Variants in SLC4A5 observed in about 807,000 individuals in gnomAD.
The protein encoded by SLC4A5 is solute carrier family 4 member 5, also known as electrogenic sodium bicarbonate cotransporter 4.
In SLC4A5, 96 loss-of-function variants were observed where a neutral mutation model predicts 120.4. The ratio of observed to expected loss-of-function variants is 0.80; its 90% CI spans 0.68 to 0.94. SLC4A5 has a LOEUF of 0.94. Among genes scored for constraint, SLC4A5 ranks in the 40% least tolerant of loss-of-function variants. SLC4A5 has a pLI of 0.00. For synonymous variants in SLC4A5, 550 were observed against 571.1 expected (o/e 0.96, Z 0.53); for missense variants, 1,259 against 1,459.5 (o/e 0.86, Z 2.24).
chr2:74,252,100 G>A, intron 16 of SLC4A5, 79 bp downstream of exon 16: 1 of 1,485,514 alleles, frequency 6.7e-7, no homozygotes, highest in Non-Finnish European at 9.2e-7. Flanking sequence ...GACCATGGTT[G>A]GGAAAAGTCC....
chr2:74,251,270 G>A (rs1168804921), intron 16 of SLC4A5, among the ~76,000 whole-genome samples: 1 of 151,914 alleles, frequency 6.6e-6, no homozygotes, highest in East Asian at 1.9e-4. Flanking sequence ...GGGGTAGGGG[G>A]ACTAAGGAGG....
intron 18 of SLC4A5, 75 bp from the exon 19 acceptor site, chr2:74,247,382 T>A: frequency 6.7e-7 from 1 of 1,486,594 alleles, no homozygotes; most frequent in Non-Finnish European, 9.0e-7. Flanking sequence ...GACTCATCCT[T>A]AAGTGGCTTA....
intron 12 of SLC4A5, among the ~76,000 whole-genome samples, chr2:74,256,157 G>A (rs931680971): frequency 1.3e-5 from 2 of 152,208 alleles, no homozygotes; most frequent in Non-Finnish European, 2.9e-5. Flanking sequence ...AACTGGCAAC[G>A]ACTTTCCTTG....
intron 7 of SLC4A5, chr2:74,290,649 GAA>G (rs1491132096): frequency 1.2e-5 from 11 of 952,176 alleles, no homozygotes; most frequent in Non-Finnish European, 1.2e-5. Flanking sequence ...GAGAGAGAGA[GAA>G]GTGAGCAAGA....
At chr2:74,296,735 CGAGA>C (rs1329787431) in intron 7 of SLC4A5, among the ~76,000 whole-genome samples, 5 of 146,198 alleles carry the variant, frequency 3.4e-5, no homozygotes, top group Non-Finnish European at 7.4e-5. Flanking sequence ...TGTAGTGAGC[CGAGA>C]TCGTGCCACT....
intron 26 of SLC4A5, 123 bp from the exon 27 acceptor site, chr2:74,227,253 A>C: frequency 8.7e-7 from 1 of 1,155,318 alleles, no homozygotes. Context: ...TCAGGCCTTA[A>C]GGATGCACGG....
Position 74,258,057 on chromosome 2 carries a change from G to A in SLC4A5, c.867+1531C>T, listed in dbSNP as rs1412205301. 2.6e-5 allele frequency among the ~76,000 whole-genome samples: 4 copies of A among 152,296 alleles called. No homozygotes were observed. The East Asian group carries it at 7.7e-4, about 29-fold the overall frequency. On this transcript the variant is annotated intron_variant, in intron 12 of 30. Coordinates refer to ENST00000394019, the Ensembl canonical transcript of SLC4A5. ...GCCTGGATGTGGGCTTGTATAACCA[G>A]GGCCCTGCTGACTCCACTTCCTGAA... is the stretch of plus-strand genomic sequence containing the variant.
intron 29 of SLC4A5, among the ~76,000 whole-genome samples, 200 bp from the exon 30 acceptor site, chr2:74,221,701 T>G (rs1008486802): frequency 2.6e-5 from 4 of 151,484 alleles, no homozygotes; most frequent in Non-Finnish European, 5.9e-5. Context: ...GGCTAGGGGG[T>G]GTGAGGCATG....
At chr2:74,251,098 T>C (rs529388567) in intron 16 of SLC4A5, among the ~76,000 whole-genome samples, 2 of 152,306 alleles carry the variant, frequency 1.3e-5, no homozygotes, top group African/African-American at 2.4e-5. Flanking sequence ...TTTCTCAACC[T>C]CAGTTCTGCT....
At chr2:74,262,875 G>A (rs758921528) in intron 10 of SLC4A5, among the ~76,000 whole-genome samples, 82 of 152,170 alleles carry the variant, frequency 5.4e-4, no homozygotes, top group Non-Finnish European at 1.0e-3. Context: ...TGCCTCAGGC[G>A]TCTCATCTGT....
At chr2:74,340,188 T>C (rs1399379537) in intron 2 of SLC4A5, among the ~76,000 whole-genome samples, 1 of 152,242 alleles carries the variant, frequency 6.6e-6, no homozygotes, top group Non-Finnish European at 1.5e-5. Flanking sequence ...ATAGTTAAAA[T>C]GGTCAATCTT....
chr2:74,245,770 A>G (rs142316144), intron 19 of SLC4A5, among the ~76,000 whole-genome samples: 7 of 152,292 alleles, frequency 4.6e-5, no homozygotes, highest in African/African-American at 7.2e-5. Flanking sequence ...GCATACAATA[A>G]TTGTGCAGCA....
intron 12 of SLC4A5, among the ~76,000 whole-genome samples, chr2:74,259,229 A>C (rs986888922): frequency 6.6e-6 from 1 of 152,156 alleles, no homozygotes; most frequent in African/African-American, 2.4e-5. Flanking sequence ...TGCCAGCCCC[A>C]GTCCCTATCC....
chr2:74,316,209 A>G (rs1183320979), intron 5 of SLC4A5, among the ~76,000 whole-genome samples: 1 of 152,016 alleles, frequency 6.6e-6, no homozygotes, highest in African/African-American at 2.4e-5. Flanking sequence ...GACTTTTAAA[A>G]AAATTAGAAA....
chr2:74,247,226 T>A (rs1429197644), exon 19 of SLC4A5: 1 of 1,614,224 alleles, frequency 6.2e-7, no homozygotes, highest in Non-Finnish European at 8.5e-7. Context: ...AGCTGGCATC[T>A]GTGGCCACTA....
chr2:74,327,297 C>A lies in SLC4A5; in HGVS notation c.-3+823G>T, dbSNP rs1483628314. Reference sequence around the variant, plus strand: ...TGATATCTAAGAACTCTAGACCAGCCAACATGGTGTCTGATGCACCCTTCT... The same window carrying A: ...TGATATCTAAGAACTCTAGACCAGCAAACATGGTGTCTGATGCACCCTTCT... On this transcript the variant is annotated intron_variant, in intron 5 of 30. Transcript: ENST00000394019. Among the ~76,000 whole-genome samples, 10 of 152,186 alleles carry A rather than the reference C, an allele frequency of 6.6e-5. 1 individual carries two copies. The highest frequency in any genetic ancestry group is 1.5e-4 in the Non-Finnish European group (10 of 68,032).
chr2:74,264,023 A>AG (rs1350635869), intron 10 of SLC4A5, 124 bp downstream of exon 10: 5 of 1,270,886 alleles, frequency 3.9e-6, no homozygotes, highest in Admixed American at 2.8e-5. Context: ...AAGGAGGCTG[A>AG]GGGATCCCCA....
At chr2:74,281,286 A>G (rs1671805292) in intron 8 of SLC4A5, among the ~76,000 whole-genome samples, 1 of 152,224 alleles carries the variant, frequency 6.6e-6, no homozygotes, top group Non-Finnish European at 1.5e-5. Flanking sequence ...AGCTCTTGGG[A>G]GGCGCTAAGC....
chr2:74,296,984 G>A (rs1672350215), intron 7 of SLC4A5, among the ~76,000 whole-genome samples: 1 of 152,050 alleles, frequency 6.6e-6, no homozygotes, highest in South Asian at 2.1e-4. Flanking sequence ...AACCTTGTGA[G>A]GTTCCAGTGT....
Sources: allele counts gnomAD v4.1 joint callset (sites outside exome capture counted in the v4.1 genomes callset), GRCh38; gene constraint gnomAD v4.1.1; transcripts MANE v1.5; gene names NCBI Gene and HGNC (gene_info 2026-07-23, HGNC 2026-07-21).